The following PDPK1 variants were observed in gnomAD, a reference collection of about 807,000 sequenced individuals.
PDPK1 encodes 3-phosphoinositide-dependent protein kinase 1.
PDPK1 carries 7 observed loss-of-function variants against 39.8 expected under a neutral mutation model. The ratio of observed to expected loss-of-function variants is 0.18; its 90% CI spans 0.10 to 0.33. The LOEUF (loss-of-function observed/expected upper bound fraction) is 0.33. PDPK1 is among the 10% of genes least tolerant of loss of function. PDPK1 has a pLI of 1.00. For missense variants in PDPK1, 182 were observed against 384.7 expected (o/e 0.47, Z 4.41); for synonymous variants, 118 against 159.1 (o/e 0.74, Z 1.95).
At chr16:2,586,209 G>T (rs2066871367) in intron 10 of PDPK1, among the ~76,000 whole-genome samples, 1 of 152,236 alleles carries the variant, frequency 6.6e-6, no homozygotes, top group Non-Finnish European at 1.5e-5. Flanking sequence ...AAAATATTTA[G>T]CATCTACCAC....
At chr16:2,592,846 CCATTT>C (rs1567168723) in intron 11 of PDPK1, 5 of 456,594 alleles carry the variant, frequency 1.1e-5, no homozygotes, top group African/African-American at 2.0e-5. Context: ...GTGGAATTGT[CCATTT>C]CATTGTCTCT....
At position 2,599,208 on chromosome 16, in the gene PDPK1, C is replaced by T; in HGVS notation, c.*1441C>T. ...CCCTGCCCAGGTTGTCCCTGGAGGG[C>T]AGCCCTCACTCCCTTTGGGGGAGAG... is the stretch of plus-strand genomic sequence containing the variant. On this transcript the variant is annotated 3_prime_UTR_variant, in exon 14 of 14. Coordinates refer to ENST00000342085, the MANE Select transcript of PDPK1 (RefSeq NM_002613.5). 4.3e-6 allele frequency: 1 copy of T among 233,406 alleles called. No individual in the cohort carries two copies. The allele number at this position is 233,406 out of a possible 1,614,324, so 14.5% of individuals were successfully genotyped here.
Position 2,538,155 on chromosome 16 carries a change from A to G in PDPK1, c.24+19A>G. ...CCAGCTGGTGAGCGCGCGGCGGCGG[A>G]CTGGACGCGCCGGTTTGTTACCCTG... On this transcript the variant is annotated intron_variant, in intron 1 of 13. Transcript: ENST00000342085. The G allele has an allele frequency of 9.5e-7, 1 of 1,055,006 alleles. No homozygotes were observed. The highest frequency in any genetic ancestry group is 1.1e-6 in the Non-Finnish European group (1 of 874,234). 65.4% of individuals were successfully genotyped at this position (1,055,006 alleles called of 1,614,324 possible).
chr16:2,539,310 C>T (rs2066199995), intron 1 of PDPK1: 1 of 153,536 alleles, frequency 6.5e-6, no homozygotes, highest in South Asian at 2.0e-4. Context: ...GAACTCCTGA[C>T]CTCAAGTGAT....
At chr16:2,587,924 C>T (rs1302846256) in intron 11 of PDPK1, among the ~76,000 whole-genome samples, 2 of 152,188 alleles carry the variant, frequency 1.3e-5, no homozygotes, top group Admixed American at 6.5e-5. Context: ...GGGCTTCCCC[C>T]CTAATATTTT....
chr16:2,597,674 G>C lies in PDPK1; in HGVS notation c.1578G>C (p.Met526Ile). ...AGCCTAACAGGACGTATTATCTGAT[G>C]GACCCCAGCGGGAACGCACACAAGT... Reference protein sequence around the residue: ...VHTPNRTYYLMDPSGNAHKWC... With the variant: ...VHTPNRTYYLIDPSGNAHKWC... Residue 526 changes from methionine to isoleucine, a missense_variant, in exon 14 of 14, where the codon ATG becomes ATC. By Grantham distance (10) the Met-to-Ile change is conservative (BLOSUM62 1). Transcript: ENST00000342085. The surrounding 1 kb of genome is among the most constrained non-coding windows in gnomAD (Gnocchi z 6.3). 1 of 1,613,722 alleles carries C rather than the reference G, an allele frequency of 6.2e-7. No individual in the cohort carries two copies. The highest frequency in any genetic ancestry group is 8.5e-7 in the Non-Finnish European group (1 of 1,179,760).
At chr16:2,544,717 G>A (rs1244959904) in intron 1 of PDPK1, among the ~76,000 whole-genome samples, 2 of 151,818 alleles carry the variant, frequency 1.3e-5, no homozygotes, top group African/African-American at 4.8e-5. Context: ...CCAAGTAGCT[G>A]GGACCACAGG....
intron 1 of PDPK1, among the ~76,000 whole-genome samples, chr16:2,544,609 A>G (rs1331619276): frequency 6.6e-6 from 1 of 151,598 alleles, no homozygotes; most frequent in African/African-American, 2.4e-5. Flanking sequence ...TTTGAGACGG[A>G]GTCTCGCTCT....
At chr16:2,589,795 A>C (rs898303845) in intron 11 of PDPK1, among the ~76,000 whole-genome samples, 5 of 152,236 alleles carry the variant, frequency 3.3e-5, no homozygotes, top group African/African-American at 1.2e-4. Context: ...TGAGCTCTTT[A>C]AAATCCAATG....
At chr16:2,590,531 AG>A (rs113824999) in intron 11 of PDPK1, among the ~76,000 whole-genome samples, 10,269 of 152,204 alleles carry the variant, frequency 0.067, 1,159 homozygotes, top group African/African-American at 0.23. Context: ...CAGCCATCTC[AG>A]GGGAGACACG....
intron 12 of PDPK1, among the ~76,000 whole-genome samples, chr16:2,596,677 C>T (rs1486788729): frequency 1.3e-5 from 2 of 152,210 alleles, no homozygotes; most frequent in East Asian, 3.8e-4. Context: ...TTAGACAGAA[C>T]ACAAACCAGT....
At chr16:2,573,797 A>AT (rs71148141) in intron 6 of PDPK1, among the ~76,000 whole-genome samples, 25,479 of 101,094 alleles carry the variant, frequency 0.25, 4,809 homozygotes, top group Non-Finnish European at 0.33. Flanking sequence ...TTCTGTTTTT[A>AT]TTTTTTTTTT....
chr16:2,585,633 C>G (rs2066854474), intron 10 of PDPK1, among the ~76,000 whole-genome samples: 1 of 152,222 alleles, frequency 6.6e-6, no homozygotes, highest in South Asian at 2.1e-4. Context: ...TGGGCAGGCC[C>G]ACACCCCGTG....
chr16:2,591,677 C>T (rs892746700), intron 11 of PDPK1, among the ~76,000 whole-genome samples: 5 of 152,110 alleles, frequency 3.3e-5, no homozygotes, highest in East Asian at 1.9e-4. Context: ...AGAGTATGGG[C>T]GCAGGTGGAT....
Position 2,597,080 on chromosome 16 carries a change from A to C in PDPK1, c.1402-43A>C. 6.7e-7 allele frequency: 1 copy of C among 1,496,208 alleles called. No homozygotes were observed. Among genetic ancestry groups the C allele is most frequent in the Non-Finnish European group, 9.0e-7 (1 of 1,112,506 alleles). The allele number at this position is 1,496,208 out of a possible 1,614,324, so 92.7% of individuals were successfully genotyped here. ...CCTCTAGGCTCCAGGAGATGCCGTC[A>C]GCACTGGCCTCTGAGGCCTGTTGTT... On this transcript the variant is annotated intron_variant, in intron 12 of 13. Coordinates refer to ENST00000342085, the MANE Select transcript of PDPK1 (RefSeq NM_002613.5). This position sits in a 1 kb window ranked among gnomAD's most constrained non-coding sequence, Gnocchi z 6.3.
At chr16:2,585,793 A>G (rs9923330) in intron 10 of PDPK1, among the ~76,000 whole-genome samples, 10,277 of 152,256 alleles carry the variant, frequency 0.067, 1,161 homozygotes, top group African/African-American at 0.23. Context: ...AGGAGTGTGA[A>G]CACATGGGGG....
At chr16:2,588,420 C>G (rs957771040) in intron 11 of PDPK1, among the ~76,000 whole-genome samples, 1 of 152,170 alleles carries the variant, frequency 6.6e-6, no homozygotes, top group East Asian at 1.9e-4. Flanking sequence ...CTGCTGTGGC[C>G]ACTCCAAGTA....
Position 2,585,974 on chromosome 16 carries a change from G to A in PDPK1, c.1126-702G>A, listed in dbSNP as rs117898989. ...CTCAGATGTGGGGCCTGCAGCCGGGGAGGTGGCTTCCCTTGCCCAGGGACT... is the reference window on the plus strand; with the variant it reads ...CTCAGATGTGGGGCCTGCAGCCGGGAAGGTGGCTTCCCTTGCCCAGGGACT... On this transcript the variant is annotated intron_variant, in intron 10 of 13. Transcript: ENST00000342085. 2.3e-3 allele frequency among the ~76,000 whole-genome samples: 357 copies of A among 152,354 alleles called. 1 individual carries two copies. The highest frequency in any genetic ancestry group is 4.5e-3 in the Non-Finnish European group (303 of 68,034).
intron 11 of PDPK1, among the ~76,000 whole-genome samples, chr16:2,591,496 G>A (rs919227829): frequency 5.9e-5 from 9 of 152,226 alleles, no homozygotes; most frequent in Admixed American, 2.0e-4. Context: ...CTGAACTGCA[G>A]TGTAGTGTCC....
Sources: allele counts gnomAD v4.1 joint callset (sites outside exome capture counted in the v4.1 genomes callset), GRCh38; gene constraint gnomAD v4.1.1; non-coding constraint Gnocchi (gnomAD v3.1); transcripts MANE v1.5; gene names NCBI Gene and HGNC (gene_info 2026-07-23, HGNC 2026-07-21).